NEB: variants seen among roughly 807,000 people sequenced by gnomAD.
The protein encoded by NEB is nemaline myopathy type 2.
A neutral mutation model predicts 952.2 loss-of-function variants in NEB; 512 were observed. The ratio of observed to expected loss-of-function variants is 0.54; its 90% CI spans 0.50 to 0.58. The LOEUF (loss-of-function observed/expected upper bound fraction) is 0.58. Ranked by LOEUF, NEB falls within the 20% of genes least tolerant of loss-of-function variation. The pLI is 0.00. For synonymous variants in NEB, 2,900 were observed against 3,149.8 expected (o/e 0.92, Z 2.66); for missense variants, 8,428 against 9,231.1 (o/e 0.91, Z 3.56).
At chr2:151,722,774 C>T (rs931278977) in intron 9 of NEB, among the ~76,000 whole-genome samples, 14 of 152,160 alleles carry the variant, frequency 9.2e-5, no homozygotes, top group Admixed American at 7.9e-4. Flanking sequence ...ATCTCAGACT[C>T]CTGGCTTCAA....
rs933687656 is a variant in NEB at position 151,639,256 on chromosome 2, A to C, written c.8994+24T>G. ...TCAACTGAAATAAGCAGCAGTGTGC[A>C]AATGTCAAAGAATCTGCTCTCACCT... On this transcript the variant is annotated intron_variant, in intron 63 of 181. Coordinates refer to ENST00000397345, the MANE Select transcript of NEB (RefSeq NM_001164508.2). The C allele has an allele frequency of 3.3e-6, 5 of 1,492,860 alleles. No individual in the cohort carries two copies. The South Asian group carries it at 3.6e-5, about 11-fold the overall frequency. 92.5% of individuals were successfully genotyped at this position (1,492,860 alleles called of 1,614,324 possible).
At position 151,531,020 on chromosome 2, in the gene NEB, G is replaced by A. The variant is rs200826420; in HGVS notation, c.21604C>T (p.Arg7202Cys). The A allele has an allele frequency of 5.3e-5, 85 of 1,613,094 alleles. No homozygotes were observed. Among genetic ancestry groups the A allele is most frequent in the East Asian group, 8.9e-5 (4 of 44,848 alleles). Residue 7202 changes from arginine (R) to cysteine (C), a missense_variant, in exon 145 of 182, where the codon CGC (arginine) becomes TGC (cysteine). Coordinates refer to ENST00000397345, the MANE Select transcript of NEB (RefSeq NM_001164508.2). ...IHDTPMLLHV[R>C]KVKDEVSDLK... is the part of the protein sequence containing the mutation. ...TCACTGACTTCATCTTTAACCTTGCGGACATGCAGCAACATGGGTGTGTCG... is the reference window on the plus strand; with the variant it reads ...TCACTGACTTCATCTTTAACCTTGCAGACATGCAGCAACATGGGTGTGTCG...
Position 151,547,445 on chromosome 2 carries a change from C to T in NEB, c.20351G>A (p.Gly6784Glu). 6.2e-7 allele frequency: 1 copy of T among 1,601,224 alleles called. No homozygotes were observed. Among genetic ancestry groups the T allele is most frequent in the African/African-American group, 1.3e-5 (1 of 74,782 alleles). Residue 6784 changes from glycine (G) to glutamate (E), a missense_variant, in exon 133 of 182, where the codon GGA (glycine) becomes GAA (glutamate). Coordinates refer to ENST00000397345, the MANE Select transcript of NEB (RefSeq NM_001164508.2). ...TPQVIHCRYVGDITSDIKYKE... is the reference protein window; with the variant it reads ...TPQVIHCRYVEDITSDIKYKE... ...GATGCTTACATCACTGGTGATGTCT[C>T]CCACATAGCGGCAATGGATCACTTG...
chr2:151,562,877 G>A, intron 119 of NEB, 69 bp from the exon 120 acceptor site: 1 of 1,115,094 alleles, frequency 9.0e-7, no homozygotes, highest in Middle Eastern at 2.8e-4. Flanking sequence ...ATGTCTTTTA[G>A]ATCCTTATTT....
intron 125 of NEB, 25 bp from the exon 126 acceptor site, chr2:151,554,050 G>T (rs1367193879): frequency 2.5e-6 from 4 of 1,608,106 alleles, no homozygotes; most frequent in Non-Finnish European, 8.5e-7. Context: ...TCACATGCCA[G>T]TTATACAGGA....
chr2:151,655,548 T>A (rs2099078951), intron 50 of NEB, among the ~76,000 whole-genome samples, 174 bp from the exon 51 acceptor site: 1 of 151,878 alleles, frequency 6.6e-6, no homozygotes, highest in Non-Finnish European at 1.5e-5. Context: ...AAAAAAAAAA[T>A]CTTTTAAGTA....
chr2:151,670,175 A>G (rs1223870871), intron 38 of NEB, among the ~76,000 whole-genome samples: 2 of 152,226 alleles, frequency 1.3e-5, no homozygotes, highest in East Asian at 3.8e-4. Flanking sequence ...TATTACTCCT[A>G]AGATAGAATT....
rs534898543 is a variant in NEB, at chr2:151,485,749, C to T, written c.*11G>A. On this transcript the variant is annotated 3_prime_UTR_variant, in exon 182 of 182. Coordinates refer to ENST00000397345, the MANE Select transcript of NEB (RefSeq NM_001164508.2). ...GTAAGTCCTGCAGACAAGTGTGATG[C>T]TTTGAAATGCCTAAATAGCTTCAAC... The T allele has an allele frequency of 1.3e-6, 2 of 1,598,596 alleles. No homozygotes were observed. The highest frequency in any genetic ancestry group is 2.2e-5 in the South Asian group (2 of 89,416).
In NEB at chr2:151,671,022, C is replaced by T. The variant is rs112517981; in HGVS notation, c.4506+1G>A. On this transcript the variant is annotated splice_donor_variant, in intron 38 of 181. Coordinates refer to ENST00000397345, the MANE Select transcript of NEB (RefSeq NM_001164508.2). LOFTEE classifies it high-confidence loss of function. ...AATCATTTTGAAAGGAAAGCACTCA[C>T]ATCACTTAGCTGCTTTGTGTTATGC... 2 of 1,612,842 alleles carry T rather than the reference C, an allele frequency of 1.2e-6. No homozygotes were observed. Among genetic ancestry groups the T allele is most frequent in the African/African-American group, 1.3e-5 (1 of 75,040 alleles).
intron 150 of NEB, 125 bp from the exon 151 acceptor site, chr2:151,525,398 A>T: frequency 1.5e-6 from 1 of 674,486 alleles, no homozygotes; most frequent in South Asian, 1.8e-5. Context: ...TGGGACTTAG[A>T]TAAGACCCAT....
At chr2:151,659,204 T>A in intron 46 of NEB, 35 bp from the exon 47 acceptor site, 17 of 1,443,886 alleles carry the variant, frequency 1.2e-5, no homozygotes, top group Non-Finnish European at 1.7e-5. Flanking sequence ...GTGTTTAAAA[T>A]CTTAAAAGAA....
At position 151,568,310 on chromosome 2, in the gene NEB, C is replaced by A; in HGVS notation, c.17736+6G>T. 1 of 1,612,070 alleles carries A rather than the reference C, an allele frequency of 6.2e-7. No individual in the cohort carries two copies. Among genetic ancestry groups the A allele is most frequent in the Non-Finnish European group, 8.5e-7 (1 of 1,178,500 alleles). ...CAAACACCAGGCATGTGGGTGAAACCCATACCTGGTCCAGTATCCTAGCAG... is the reference window on the plus strand; with the variant it reads ...CAAACACCAGGCATGTGGGTGAAACACATACCTGGTCCAGTATCCTAGCAG... On this transcript the variant is annotated splice_donor_region_variant and intron_variant, in intron 112 of 181. Transcript: ENST00000397345.
Position 151,514,917 on chromosome 2 carries a change from C to T in NEB, c.22917G>A (p.Arg7639=). 2.6e-6 allele frequency: 4 copies of T among 1,564,220 alleles called. No individual in the cohort carries two copies. The highest frequency in any genetic ancestry group is 3.5e-6 in the Non-Finnish European group (4 of 1,151,250). ...SQQMQSGKEY[R]KDYEESIKGR... is the part of the protein sequence containing the mutation. ...CTTTAATGGACTCTTCATAATCTTT[C>T]CTATATTCTTTCTAATGTAAGTAGG... The change falls in exon 158 of 182, where the codon AGG becomes AGA. Residue 7639 remains arginine (R), a synonymous_variant. Transcript: ENST00000397345.
intron 57 of NEB, 138 bp downstream of exon 57, chr2:151,643,680 C>T (rs1228120458): frequency 6.5e-6 from 9 of 1,376,178 alleles, no homozygotes; most frequent in Admixed American, 5.4e-5. Flanking sequence ...ATGGTGCCTC[C>T]AGATGTCTGG....
chr2:151,662,222 G>A lies in NEB; in HGVS notation c.5883C>T (p.Arg1961=), dbSNP rs2099157034. 2.5e-6 allele frequency: 4 copies of A among 1,613,580 alleles called. No homozygotes were observed. Among genetic ancestry groups the A allele is most frequent in the South Asian group, 1.1e-5 (1 of 91,058 alleles). The part of the protein sequence containing the change: ...AMEIISEKKY[R]QHPDTLKYST... ...AATACTTCAAAGTGTCTGGGTGCTG[G>A]CGGTACTTCTTTTCACTAATAATCT... The change falls in exon 46 of 182, where the codon CGC becomes CGT. Residue 1961 remains arginine, a synonymous_variant. Transcript: ENST00000397345.
At chr2:151,665,594 T>C in intron 41 of NEB, 55 bp from the exon 42 acceptor site, 1 of 1,412,410 alleles carries the variant, frequency 7.1e-7, no homozygotes, top group Non-Finnish European at 9.5e-7. Context: ...TTGTGTTTCT[T>C]TGGCTATGTG....
intron 52 of NEB, 27 bp from the exon 53 acceptor site, chr2:151,650,912 T>A (rs1575135218): frequency 1.3e-6 from 2 of 1,566,850 alleles, no homozygotes; most frequent in Middle Eastern, 1.7e-4. Context: ...CACAGCTCTT[T>A]TAGTACACAA....
At chr2:151,575,828 T>A (rs1311573464) in intron 106 of NEB, 29 bp from the exon 107 acceptor site, 1 of 1,431,252 alleles carries the variant, frequency 7.0e-7, no homozygotes, top group Admixed American at 1.7e-5. Flanking sequence ...ATAATAAAAT[T>A]ACTTCACAAT....
At chr2:151,501,343 G>A (rs1257310308) in intron 168 of NEB, 48 bp downstream of exon 168, 2 of 1,263,946 alleles carry the variant, frequency 1.6e-6, no homozygotes, top group South Asian at 2.6e-5. Flanking sequence ...CTGTTTTGTA[G>A]AAATTATTAT....
Sources: gnomAD v4.1 joint callset for allele counts (sites outside exome capture counted in the v4.1 genomes callset) on GRCh38, gnomAD v4.1.1 for gene constraint, MANE v1.5 for transcripts, NCBI Gene and HGNC (gene_info 2026-07-23, HGNC 2026-07-21) for gene names.